Variants in TAP1 observed in about 807,000 individuals in gnomAD.
TAP1 encodes antigen peptide transporter 1.
TAP1 carries 56 observed loss-of-function variants against 79.3 expected under a neutral mutation model. The ratio of observed to expected loss-of-function variants is 0.71; its 90% CI spans 0.57 to 0.88. The LOEUF (loss-of-function observed/expected upper bound fraction) is 0.88, where lower values mean the gene tolerates loss of function less well. Ranked by LOEUF, TAP1 falls within the 40% of genes least tolerant of loss-of-function variation. TAP1 has a pLI of 0.00. For synonymous variants in TAP1, 355 were observed against 401.4 expected (o/e 0.88, Z 1.38); for missense variants, 737 against 936.3 (o/e 0.79, Z 2.78).
At position 32,845,814 on chromosome 6, in the gene TAP1, C is replaced by T. The variant is rs952690027; in HGVS notation, c.2041-29G>A. ...AGGAAAGACATCGGACCGTCAGAGC[C>T]GGGGACTACCCTCAGCCCAGGGAGA... On this transcript the variant is annotated intron_variant, in intron 10 of 10. Transcript: ENST00000354258. The surrounding 1 kb of genome is among the most constrained non-coding windows in gnomAD (Gnocchi z 4.5). 11 of 1,594,714 alleles carry T rather than the reference C, an allele frequency of 6.9e-6. No homozygotes were observed. Among genetic ancestry groups the T allele is most frequent in the East Asian group, 6.7e-5 (3 of 44,772 alleles).
chr6:32,853,447 G>A lies in TAP1; in HGVS notation c.190C>T (p.Arg64Cys). 1.2e-6 allele frequency: 2 copies of A among 1,611,870 alleles called. No individual in the cohort carries two copies. Among genetic ancestry groups the A allele is most frequent in the Non-Finnish European group, 1.7e-6 (2 of 1,179,482 alleles). The change falls in exon 1 of 11, where the codon CGC becomes TGC. Residue 64 changes from arginine (R) to cysteine (C), a missense_variant. By Grantham distance (180) the Arg-to-Cys change is radical. Transcript: ENST00000354258. The surrounding 1 kb of genome is among the most constrained non-coding windows in gnomAD (Gnocchi z 8.3). ...GCCCCCAGCCAGAGCACGGCCCAGC[G>A]GCTCAGGCCCACCGCCCAGACCCGG... ...LLRVWAVGLS[R>C]WAVLWLGACG...
In TAP1 at chr6:32,845,650, G is replaced by T. The variant is rs1276422671; in HGVS notation, c.2176C>A (p.His726Asn). Residue 726 changes from histidine (H) to asparagine (N), a missense_variant, in exon 11 of 11, where the codon CAC becomes AAC. His to Asn is a moderately conservative substitution (Grantham distance 68, BLOSUM62 1). Around this residue, in one of 5 missense-constraint regions of TAP1, gnomAD observed 266 missense variants for 332.4 expected, o/e 0.80. Coordinates refer to ENST00000354258, the MANE Select transcript of TAP1 (RefSeq NM_000593.6). This position sits in a 1 kb window ranked among gnomAD's most constrained non-coding sequence, Gnocchi z 4.5. The stretch of plus-strand genomic sequence containing the variant: ...CCCTTTTTCTCCATGAGCTGCTGGT[G>T]GGTTCCCCCCTCCCGGATAGCGCCT... Reference protein sequence around the residue: ...EGGAIREGGTHQQLMEKKGCY... With the variant: ...EGGAIREGGTNQQLMEKKGCY... 6.2e-7 allele frequency: 1 copy of T among 1,612,982 alleles called. No individual in the cohort carries two copies. Among genetic ancestry groups the T allele is most frequent in the African/African-American group, 1.3e-5 (1 of 74,930 alleles).
chr6:32,851,147 T>C lies in TAP1; in HGVS notation c.847A>G (p.Asn283Asp). ...TCCTCTGTTACCCGAGACATGATGTTACCTGCAGGGTTGGGGAGAAGAGAG... is the reference window on the plus strand; with the variant it reads ...TCCTCTGTTACCCGAGACATGATGTCACCTGCAGGGTTGGGGAGAAGAGAG... ...TEFFQQNQTG[N>D]IMSRVTEDTS... Residue 283 changes from asparagine to aspartate, a missense_variant and splice_region_variant, in exon 4 of 11, where the codon AAC (asparagine) becomes GAC (aspartate). Asn to Asp is a conservative substitution (Grantham distance 23, BLOSUM62 1). Around this residue, in one of 5 missense-constraint regions of TAP1, gnomAD observed 406 missense variants for 477.2 expected, o/e 0.85. Coordinates refer to ENST00000354258, the MANE Select transcript of TAP1 (RefSeq NM_000593.6). The surrounding 1 kb of genome is among the most constrained non-coding windows in gnomAD (Gnocchi z 4.8). 6.2e-7 allele frequency: 1 copy of C among 1,612,904 alleles called. No individual in the cohort carries two copies. Among genetic ancestry groups the C allele is most frequent in the Non-Finnish European group, 8.5e-7 (1 of 1,179,962 alleles).
Position 32,852,137 on chromosome 6 carries a change from C to T in TAP1, c.816G>A (p.Glu272=). The T allele has an allele frequency of 6.2e-7, 1 of 1,613,048 alleles. No individual in the cohort carries two copies. Among genetic ancestry groups the T allele is most frequent in the Non-Finnish European group, 8.5e-7 (1 of 1,180,022 alleles). Residue 272 remains glutamate (E), a synonymous_variant, in exon 3 of 11, where the codon GAG becomes GAA. Coordinates refer to ENST00000354258, the MANE Select transcript of TAP1 (RefSeq NM_000593.6). The surrounding 1 kb of genome is among the most constrained non-coding windows in gnomAD (Gnocchi z 4.8). Reference sequence around the variant, plus strand: ...TCTGGTTCTGTTGGAAAAACTCCGTCTCCTGGCGCAGGACAGCCCCAAACA... The same window carrying T: ...TCTGGTTCTGTTGGAAAAACTCCGTTTCCTGGCGCAGGACAGCCCCAAACA... The part of the protein sequence containing the change: ...GEVFGAVLRQ[E]TEFFQQNQTG...
In TAP1 at chr6:32,845,381, A is replaced by C; in HGVS notation, c.*198T>G. 1.5e-6 allele frequency: 1 copy of C among 655,544 alleles called. No individual in the cohort carries two copies. The highest frequency in any genetic ancestry group is 1.7e-5 in the South Asian group (1 of 59,786). The allele number at this position is 655,544 out of a possible 1,614,324, so 40.6% of individuals were successfully genotyped here. A position where few individuals can be genotyped will look rare whatever the true frequency, so the allele number is the denominator to read the frequency against. ...ATCAGCCCTGGCTCTAAACTCCGTT[A>C]CAGTAAGGAATTACAAATCCTGTGT... On this transcript the variant is annotated 3_prime_UTR_variant, in exon 11 of 11. Coordinates refer to ENST00000354258, the MANE Select transcript of TAP1 (RefSeq NM_000593.6). This position sits in a 1 kb window ranked among gnomAD's most constrained non-coding sequence, Gnocchi z 4.5.
Position 32,849,114 on chromosome 6 carries a change from G to C in TAP1, c.1253C>G (p.Ser418Ter). 6.3e-7 allele frequency: 1 copy of C among 1,579,810 alleles called. No individual in the cohort carries two copies. Among genetic ancestry groups the C allele is most frequent in the South Asian group, 1.2e-5 (1 of 86,646 alleles). ...YAVNSWTTSI[S>*]GMLLKVGILY... ...GATTCCCACTTTCAGCAGCATACCTGAAATCTATAAAGAGACCACAAAAAA... is the reference window on the plus strand; with the variant it reads ...GATTCCCACTTTCAGCAGCATACCTCAAATCTATAAAGAGACCACAAAAAA... Residue 418 changes from serine to a stop codon, truncating the protein, a stop_gained, in exon 6 of 11, where the codon TCA (serine) becomes TGA (stop). Coordinates refer to ENST00000354258, the MANE Select transcript of TAP1 (RefSeq NM_000593.6). LOFTEE classifies it high-confidence loss of function.
At position 32,847,598 on chromosome 6, in the gene TAP1, C is replaced by T. The variant is rs1368356449; in HGVS notation, c.1818G>A (p.Lys606=). ...CAGCTGTGATTTCCTCCATAGTTGG[C>T]TTCTGGGTCAGGCCATAGGCAATAT... ...QENIAYGLTQ[K]PTMEEITAAA... Residue 606 remains lysine (K), a synonymous_variant, in exon 9 of 11, where the codon AAG becomes AAA. Coordinates refer to ENST00000354258, the MANE Select transcript of TAP1 (RefSeq NM_000593.6). The surrounding 1 kb of genome is among the most constrained non-coding windows in gnomAD (Gnocchi z 4.7). 6.2e-7 allele frequency: 1 copy of T among 1,614,068 alleles called. No individual in the cohort carries two copies. The highest frequency in any genetic ancestry group is 8.5e-7 in the Non-Finnish European group (1 of 1,180,020).
Position 32,852,057 on chromosome 6 carries a change from T to C in TAP1, c.844+52A>G. ...GGGAGGGGGGAGATCAAAGCAGATG[T>C]ATGAGGATATGAACAGTACATGGCG... On this transcript the variant is annotated intron_variant, in intron 3 of 10. Coordinates refer to ENST00000354258, the MANE Select transcript of TAP1 (RefSeq NM_000593.6). This position sits in a 1 kb window ranked among gnomAD's most constrained non-coding sequence, Gnocchi z 4.8. 1 of 1,611,862 alleles carries C rather than the reference T, an allele frequency of 6.2e-7. No individual in the cohort carries two copies. The highest frequency in any genetic ancestry group is 8.5e-7 in the Non-Finnish European group (1 of 1,179,508).
In TAP1 at chr6:32,853,523, G is replaced by A. The variant is rs771649410; in HGVS notation, c.114C>T (p.Thr38=). Residue 38 remains threonine (T), a synonymous_variant, in exon 1 of 11, where the codon ACC becomes ACT. Transcript: ENST00000354258. This position sits in a 1 kb window ranked among gnomAD's most constrained non-coding sequence, Gnocchi z 8.3. ...LLLADWVLLR[T]ALPRIFSLLV... ...GCAGGGAGAATATGCGGGGCAGCGC[G>A]GTCCGGAGCAGCACCCAGTCGGCGA... The A allele has an allele frequency of 6.2e-7, 1 of 1,609,550 alleles. No homozygotes were observed. The highest frequency in any genetic ancestry group is 8.5e-7 in the Non-Finnish European group (1 of 1,177,332).
chr6:32,849,198 G>A (rs1770634391), intron 5 of TAP1, 80 bp from the exon 6 acceptor site: 4 of 1,525,110 alleles, frequency 2.6e-6, no homozygotes, highest in Admixed American at 3.9e-5. Flanking sequence ...TTAACCTGAA[G>A]GAAATATCAA....
intron 6 of TAP1, 53 bp from the exon 7 acceptor site, chr6:32,848,893 G>A: frequency 6.2e-7 from 1 of 1,612,910 alleles, no homozygotes; most frequent in Non-Finnish European, 8.5e-7. Context: ...CCAGCATTAT[G>A]TGAAGCAAGA....
Position 32,847,974 on chromosome 6 carries a change from A to G in TAP1, c.1685T>C (p.Leu562Pro), listed in dbSNP as rs1357852090. 6.2e-7 allele frequency: 1 copy of G among 1,613,108 alleles called. No homozygotes were observed. Among genetic ancestry groups the G allele is most frequent in the Non-Finnish European group, 8.5e-7 (1 of 1,180,038 alleles). The change falls in exon 8 of 11, where the codon CTG (leucine) becomes CCG (proline). Residue 562 changes from leucine to proline, a missense_variant. Leu to Pro is a moderately conservative substitution (Grantham distance 98). Around this residue, in one of 5 missense-constraint regions of TAP1, gnomAD observed 266 missense variants for 332.4 expected, o/e 0.80. Transcript: ENST00000354258. This position sits in a 1 kb window ranked among gnomAD's most constrained non-coding sequence, Gnocchi z 4.7. ...QNLYQPTGGQ[L>P]LLDGKPLPQY... ...GGGAAGGGGCTTCCCATCCAACAGCAGCTGTCCCCCGGTGGGCTGGTACAG... is the reference window on the plus strand; with the variant it reads ...GGGAAGGGGCTTCCCATCCAACAGCGGCTGTCCCCCGGTGGGCTGGTACAG...
rs2127387213 is a variant in TAP1, at chr6:32,847,670, A to G, written c.1746T>C (p.Ala582=). Residue 582 remains alanine (A), a synonymous_variant, in exon 9 of 11, where the codon GCT becomes GCC. Transcript: ENST00000354258. This position sits in a 1 kb window ranked among gnomAD's most constrained non-coding sequence, Gnocchi z 4.7. ...YEHRYLHRQV[A]AVGQEPQVFG... ...ATACCTGTGGCTCTTGTCCCACTGC[A>G]GCCACCTGAGATGAAATATGATGAA... 1 of 1,613,812 alleles carries G rather than the reference A, an allele frequency of 6.2e-7. No homozygotes were observed. The highest frequency in any genetic ancestry group is 8.5e-7 in the Non-Finnish European group (1 of 1,180,026).
chr6:32,850,694 T>G lies in TAP1; in HGVS notation c.1051-177A>C, dbSNP rs1284824327. The stretch of plus-strand genomic sequence containing the variant: ...GAAATACGAGGAAGAGGAAAATGAC[T>G]CAGAACGGGTTGGGGATCAAATTCT... On this transcript the variant is annotated intron_variant, in intron 4 of 10. Coordinates refer to ENST00000354258, the MANE Select transcript of TAP1 (RefSeq NM_000593.6). This position sits in a 1 kb window ranked among gnomAD's most constrained non-coding sequence, Gnocchi z 5.5. Among the ~76,000 whole-genome samples the G allele has an allele frequency of 6.6e-6, 1 of 152,022 alleles. No homozygotes were observed. Among genetic ancestry groups the G allele is most frequent in the Admixed American group, 6.5e-5 (1 of 15,274 alleles).
chr6:32,847,561 A>G lies in TAP1; in HGVS notation c.1855T>C (p.Ser619Pro), dbSNP rs1418853318. The change falls in exon 9 of 11, where the codon TCT becomes CCT. Residue 619 changes from serine (S) to proline (P), a missense_variant. Around this residue, in one of 5 missense-constraint regions of TAP1, gnomAD observed 266 missense variants for 332.4 expected, o/e 0.80. Coordinates refer to ENST00000354258, the MANE Select transcript of TAP1 (RefSeq NM_000593.6). This position sits in a 1 kb window ranked among gnomAD's most constrained non-coding sequence, Gnocchi z 4.7. ...MEEITAAAVKSGAHSFISGLP... is the reference protein window; with the variant it reads ...MEEITAAAVKPGAHSFISGLP... ...CCAGAGATGAAACTATGGGCCCCAG[A>G]CTTTACTGCAGCAGCTGTGATTTCC... is the stretch of plus-strand genomic sequence containing the variant. 1.2e-6 allele frequency: 2 copies of G among 1,614,024 alleles called. No individual in the cohort carries two copies. The highest frequency in any genetic ancestry group is 1.7e-6 in the Non-Finnish European group (2 of 1,180,024).
chr6:32,850,292 G>T lies in TAP1; in HGVS notation c.1248+28C>A. 1.2e-6 allele frequency: 2 copies of T among 1,607,886 alleles called. No homozygotes were observed. The highest frequency in any genetic ancestry group is 1.7e-6 in the Non-Finnish European group (2 of 1,174,250). On this transcript the variant is annotated intron_variant, in intron 5 of 10. Coordinates refer to ENST00000354258, the MANE Select transcript of TAP1 (RefSeq NM_000593.6). This position sits in a 1 kb window ranked among gnomAD's most constrained non-coding sequence, Gnocchi z 5.5. Reference sequence around the variant, plus strand: ...GAGTCACGGCATCTTAAGGACAAGGGAATGGGTATTCATCTTCAGGTGCTC... The same window carrying T: ...GAGTCACGGCATCTTAAGGACAAGGTAATGGGTATTCATCTTCAGGTGCTC...
In TAP1 at chr6:32,845,714, G is replaced by T. The variant is rs1184774030; in HGVS notation, c.2112C>A (p.Ser704Arg). ...GGATGTGGTCAGCCTGCTCCACCAG[G>T]CTGAGGTGCTGGGTGATGAGAAGCA... is the stretch of plus-strand genomic sequence containing the variant. ...RSVLLITQHL[S>R]LVEQADHILF... The change falls in exon 11 of 11, where the codon AGC (serine) becomes AGA (arginine). Residue 704 changes from serine to arginine, a missense_variant. Ser to Arg is a moderately radical substitution (Grantham distance 110, BLOSUM62 -1). Around this residue, in one of 5 missense-constraint regions of TAP1, gnomAD observed 266 missense variants for 332.4 expected, o/e 0.80. Coordinates refer to ENST00000354258, the MANE Select transcript of TAP1 (RefSeq NM_000593.6). This position sits in a 1 kb window ranked among gnomAD's most constrained non-coding sequence, Gnocchi z 4.5. 2 of 1,612,948 alleles carry T rather than the reference G, an allele frequency of 1.2e-6. No individual in the cohort carries two copies. Among genetic ancestry groups the T allele is most frequent in the Non-Finnish European group, 1.7e-6 (2 of 1,180,048 alleles).
In TAP1 at chr6:32,851,907, T is replaced by TTGTGTG. The variant is rs141273059; in HGVS notation, c.844+196_844+201dup. ...GGTATATCAAGAATGAGAAAAACAA[T>TTGTGTG]TGTGTGTGTGTGTGTGTGAGAGAGA... On this transcript the variant is annotated intron_variant, in intron 3 of 10. Transcript: ENST00000354258. This position sits in a 1 kb window ranked among gnomAD's most constrained non-coding sequence, Gnocchi z 4.8. Among the ~76,000 whole-genome samples, 1 of 139,042 alleles carries TTGTGTG rather than the reference T, an allele frequency of 7.2e-6. No individual in the cohort carries two copies. The highest frequency in any genetic ancestry group is 7.3e-5 in the Admixed American group (1 of 13,616). 91.2% of individuals were successfully genotyped at this position (139,042 alleles called of 152,430 possible).
In TAP1 at chr6:32,847,259, T is replaced by TACATAC; in HGVS notation, c.1904-56_1904-55insGTATGT. The TACATAC allele has an allele frequency of 6.2e-7, 1 of 1,605,970 alleles. No homozygotes were observed. Among genetic ancestry groups the TACATAC allele is most frequent in the Non-Finnish European group, 8.5e-7 (1 of 1,179,008 alleles). Reference sequence around the variant, plus strand: ...GTATAGCCACATGTGTGCACGCATGTACATGCACACAGACACACTCATGCA... The same window carrying TACATAC: ...GTATAGCCACATGTGTGCACGCATGTACATACACATGCACACAGACACACTCATGCA... On this transcript the variant is annotated intron_variant, in intron 9 of 10. Transcript: ENST00000354258. The surrounding 1 kb of genome is among the most constrained non-coding windows in gnomAD (Gnocchi z 4.7).
Sources: gnomAD v4.1 joint callset for allele counts (sites outside exome capture counted in the v4.1 genomes callset) on GRCh38, gnomAD v4.1.1 for gene constraint, gnomAD v4.1.1 regional missense constraint, Gnocchi (gnomAD v3.1) non-coding constraint, MANE v1.5 for transcripts, NCBI Gene and HGNC (gene_info 2026-07-23, HGNC 2026-07-21) for gene names.